AOAH: variants seen among roughly 807,000 people sequenced by gnomAD.
AOAH encodes acyloxyacyl hydrolase (neutrophil).
In AOAH, 64 loss-of-function variants were observed where a neutral mutation model predicts 92.2. The observed-to-expected ratio is 0.69, with a 90% CI of 0.57 to 0.86. The LOEUF (loss-of-function observed/expected upper bound fraction) is 0.86. Among genes scored for constraint, AOAH ranks in the 40% least tolerant of loss-of-function variants. The probability of loss-of-function intolerance (pLI) is 0.00; values close to 1 mark genes in which losing one functional copy is unlikely to be tolerated. For missense variants in AOAH, 656 were observed against 694.6 expected (o/e 0.94, Z 0.62); for synonymous variants, 263 against 254.5 (o/e 1.03, Z -0.32).
rs111423360 is a variant in AOAH at position 36,707,499 on chromosome 7, C to T, written c.127+16523G>A. 8.4e-3 allele frequency among the ~76,000 whole-genome samples: 1,281 copies of T among 152,138 alleles called. 15 individuals carry two copies. The highest frequency in any genetic ancestry group is 0.029 in the African/African-American group (1,219 of 41,504). On this transcript the variant is annotated intron_variant, in intron 1 of 20. Coordinates refer to ENST00000617537, the MANE Select transcript of AOAH (RefSeq NM_001637.4). The stretch of plus-strand genomic sequence containing the variant: ...AAGTGAGCACATGCTGTTGGAAAAA[C>T]GGTGCCAATAGACTTGTTTGGCATA...
intron 15 of AOAH, among the ~76,000 whole-genome samples, chr7:36,544,105 C>T (rs565117170): frequency 3.9e-5 from 6 of 151,974 alleles, no homozygotes; most frequent in Admixed American, 2.0e-4. Flanking sequence ...CACCACCACA[C>T]CCAGCTAATT....
At chr7:36,666,253 A>G (rs188008362) in intron 3 of AOAH, among the ~76,000 whole-genome samples, 25 of 151,990 alleles carry the variant, frequency 1.6e-4, no homozygotes, top group African/African-American at 5.8e-4. Context: ...CAGATTGTCT[A>G]TTTCTTCTTG....
intron 4 of AOAH, among the ~76,000 whole-genome samples, chr7:36,658,164 T>C (rs17403466): frequency 0.032 from 4,898 of 152,246 alleles, 101 homozygotes; most frequent in Non-Finnish European, 0.049. Context: ...CAGAGGAAGC[T>C]TGAAATATAC....
At chr7:36,656,423 C>T (rs1264298572) in intron 4 of AOAH, among the ~76,000 whole-genome samples, 1 of 152,116 alleles carries the variant, frequency 6.6e-6, no homozygotes, top group Non-Finnish European at 1.5e-5. Context: ...GAGGGCTGAA[C>T]ATTATCTACG....
intron 12 of AOAH, among the ~76,000 whole-genome samples, chr7:36,582,909 A>T (rs1789036104): frequency 6.6e-6 from 1 of 151,520 alleles, no homozygotes; most frequent in Admixed American, 6.6e-5. Context: ...CAGTGGCATG[A>T]TCTCGGCTCA....
intron 11 of AOAH, among the ~76,000 whole-genome samples, chr7:36,610,298 G>C (rs1197304004): frequency 6.6e-6 from 1 of 151,680 alleles, no homozygotes; most frequent in Non-Finnish European, 1.5e-5. Context: ...GTCGTAATGA[G>C]GAAAATACTT....
At chr7:36,542,171 A>G (rs1785466741) in intron 15 of AOAH, among the ~76,000 whole-genome samples, 1 of 152,226 alleles carries the variant, frequency 6.6e-6, no homozygotes, top group South Asian at 2.1e-4. Flanking sequence ...GAGGAAGGCC[A>G]TGTGAAGACA....
intron 1 of AOAH, among the ~76,000 whole-genome samples, chr7:36,707,262 G>C (rs1209255523): frequency 6.6e-6 from 1 of 151,948 alleles, no homozygotes; most frequent in Non-Finnish European, 1.5e-5. Context: ...ATGGAGAGGG[G>C]GAGAGATGGG....
chr7:36,676,553 A>T (rs1281249693), intron 2 of AOAH, among the ~76,000 whole-genome samples: 1 of 152,176 alleles, frequency 6.6e-6, no homozygotes, highest in Non-Finnish European at 1.5e-5. Flanking sequence ...CACAGATTCA[A>T]TGCCATCTCT....
chr7:36,706,562 G>A (rs1195531885), intron 1 of AOAH, among the ~76,000 whole-genome samples: 4 of 152,144 alleles, frequency 2.6e-5, no homozygotes, highest in Non-Finnish European at 5.9e-5. Flanking sequence ...GAGTCAGCTT[G>A]TCCTTTGGAG....
At chr7:36,723,770 A>T (rs1799798826) in intron 1 of AOAH, among the ~76,000 whole-genome samples, 1 of 152,152 alleles carries the variant, frequency 6.6e-6, no homozygotes, top group Non-Finnish European at 1.5e-5. Flanking sequence ...AGAAGAAAAA[A>T]TTCCAATCGC....
chr7:36,613,290 T>C, intron 11 of AOAH, among the ~76,000 whole-genome samples: 2 of 152,206 alleles, frequency 1.3e-5, no homozygotes, highest in East Asian at 3.8e-4. Flanking sequence ...TGATGCCAGA[T>C]GGATTTTCCC....
intron 3 of AOAH, among the ~76,000 whole-genome samples, chr7:36,670,055 A>G (rs1795817073): frequency 6.8e-6 from 1 of 146,434 alleles, no homozygotes; most frequent in South Asian, 2.1e-4. Flanking sequence ...GTTCTCAGGT[A>G]TCCTTTTTTT....
chr7:36,577,929 A>G (rs1171167652), intron 12 of AOAH, among the ~76,000 whole-genome samples: 1 of 152,240 alleles, frequency 6.6e-6, no homozygotes, highest in Non-Finnish European at 1.5e-5. Context: ...TAATTGTATT[A>G]CAGTGCTTGG....
chr7:36,687,952 T>C (rs891810573), intron 1 of AOAH, among the ~76,000 whole-genome samples: 2 of 152,218 alleles, frequency 1.3e-5, no homozygotes, highest in Non-Finnish European at 2.9e-5. Context: ...ACTTTCTAGA[T>C]GCTGCAATAT....
intron 1 of AOAH, among the ~76,000 whole-genome samples, chr7:36,708,060 T>C (rs1454417459): frequency 1.3e-5 from 2 of 152,074 alleles, no homozygotes; most frequent in East Asian, 3.8e-4. Context: ...CTCAAAATGT[T>C]GGGATTACAG....
chr7:36,552,294 G>A (rs1786323240), intron 13 of AOAH, among the ~76,000 whole-genome samples: 1 of 152,112 alleles, frequency 6.6e-6, no homozygotes, highest in South Asian at 2.1e-4. Flanking sequence ...TGAGGATAAA[G>A]GTTTCCAGCT....
chr7:36,683,923 G>A (rs1003877153), intron 2 of AOAH, among the ~76,000 whole-genome samples: 1 of 152,030 alleles, frequency 6.6e-6, no homozygotes, highest in Non-Finnish European at 1.5e-5. Flanking sequence ...GAACAAGGGT[G>A]GGAGAGGTTG....
intron 13 of AOAH, among the ~76,000 whole-genome samples, chr7:36,560,309 T>C (rs1206831442): frequency 6.6e-6 from 1 of 152,226 alleles, no homozygotes; most frequent in Non-Finnish European, 1.5e-5. Flanking sequence ...ACTGGATCTA[T>C]AGATTGCTTT....
Sources: allele counts gnomAD v4.1 joint callset (sites outside exome capture counted in the v4.1 genomes callset), GRCh38; gene constraint gnomAD v4.1.1; transcripts MANE v1.5; gene names NCBI Gene and HGNC (gene_info 2026-07-23, HGNC 2026-07-21).